Variants in SEL1L3 observed in about 807,000 individuals in gnomAD.
SEL1L3 encodes protein sel-1 homolog 3.
A neutral mutation model predicts 142.8 loss-of-function variants in SEL1L3; 76 were observed. The observed-to-expected ratio is 0.53, with a 90% CI of 0.44 to 0.64. The LOEUF is 0.64. Ranked by LOEUF, SEL1L3 falls within the 30% of genes least tolerant of loss-of-function variation. SEL1L3 has a pLI of 0.00. For synonymous variants in SEL1L3, 504 were observed against 519.6 expected (o/e 0.97, Z 0.41); for missense variants, 1,262 against 1,381.7 (o/e 0.91, Z 1.37).
chr4:25,818,770 C>T (rs1020499527), intron 8 of SEL1L3, among the ~76,000 whole-genome samples: 1 of 152,124 alleles, frequency 6.6e-6, no homozygotes, highest in Non-Finnish European at 1.5e-5. Context: ...ATATATCTTC[C>T]CCCTCCTGTT....
the SEL1L3 span, among the ~76,000 whole-genome samples, chr4:25,714,865 C>T: frequency 6.6e-6 from 1 of 152,008 alleles, no homozygotes; most frequent in Non-Finnish European, 1.5e-5. Context: ...AGCCACCGCG[C>T]CCTGCCAAGA....
intron 1 of SEL1L3, among the ~76,000 whole-genome samples, chr4:25,859,918 G>A (rs531345007): frequency 6.6e-6 from 1 of 152,158 alleles, no homozygotes; most frequent in Non-Finnish European, 1.5e-5. Context: ...CTGGCCAATT[G>A]CACAGTAGCT....
At chr4:25,806,280 G>A (rs1713568558) in intron 9 of SEL1L3, among the ~76,000 whole-genome samples, 1 of 151,298 alleles carries the variant, frequency 6.6e-6, no homozygotes, top group African/African-American at 2.4e-5. Context: ...GTCGTGATCC[G>A]CCCGCCTAGG....
intron 11 of SEL1L3, among the ~76,000 whole-genome samples, chr4:25,797,073 A>G (rs1712814674): frequency 6.6e-6 from 1 of 151,070 alleles, no homozygotes; most frequent in African/African-American, 2.4e-5. Context: ...GGGAGGAGAA[A>G]GAGAAAGGAA....
downstream of SEL1L3, among the ~76,000 whole-genome samples, chr4:25,745,559 AAGGT>A (rs1717235844): frequency 2.0e-5 from 3 of 152,172 alleles, no homozygotes; most frequent in Admixed American, 2.0e-4. Context: ...AGTCATTCTC[AAGGT>A]GAAGGGAGTG....
At position 25,788,177 on chromosome 4, in the gene SEL1L3, G is replaced by A; in HGVS notation, c.2217+47C>T. The A allele has an allele frequency of 1.3e-6, 2 of 1,598,354 alleles. No individual in the cohort carries two copies. The highest frequency in any genetic ancestry group is 1.7e-6 in the Non-Finnish European group (2 of 1,171,278). On this transcript the variant is annotated intron_variant, in intron 13 of 23. Coordinates refer to ENST00000399878, the MANE Select transcript of SEL1L3 (RefSeq NM_015187.5). The surrounding 1 kb of genome is among the most constrained non-coding windows in gnomAD (Gnocchi z 5.3). ...CCCGCCCACAGGAAACTGCTCAGGA[G>A]TCTGATAAGAATTGCACAATTTCAG...
At chr4:25,748,820 C>T (rs1321457862) in intron 23 of SEL1L3, among the ~76,000 whole-genome samples, 1 of 152,132 alleles carries the variant, frequency 6.6e-6, no homozygotes, top group Non-Finnish European at 1.5e-5. Flanking sequence ...AGGGGACATT[C>T]TAGGAAGTTT....
At chr4:25,718,978 A>G in the SEL1L3 span, 1 of 152,184 alleles carries the variant, frequency 6.6e-6, no homozygotes, top group Non-Finnish European at 1.5e-5. Context: ...GGGGTGTGAG[A>G]CCAGCCTGAC....
intron 23 of SEL1L3, among the ~76,000 whole-genome samples, chr4:25,754,401 C>T (rs10023202): frequency 0.29 from 43,527 of 148,970 alleles, 6,909 homozygotes; most frequent in African/African-American, 0.42. Context: ...CAGGCTGGAG[C>T]GTGGTGGTGC....
chr4:25,755,890 A>G lies in SEL1L3; in HGVS notation c.3259+1644T>C, dbSNP rs1717923623. The G allele has an allele frequency of 8.1e-6, 8 of 985,058 alleles. No homozygotes were observed. The South Asian group carries it at 3.3e-4, about 41-fold the overall frequency. The allele number at this position is 985,058 out of a possible 1,614,324, so 61.0% of individuals were successfully genotyped here. The stretch of plus-strand genomic sequence containing the variant: ...ATTTGAAATGGAAAACACTGACAAG[A>G]TGCAAAATAAATGACTATACCTGGC... On this transcript the variant is annotated intron_variant, in intron 23 of 23. Coordinates refer to ENST00000399878, the MANE Select transcript of SEL1L3 (RefSeq NM_015187.5).
intron 23 of SEL1L3, among the ~76,000 whole-genome samples, chr4:25,754,122 G>A (rs879263754): frequency 1.4e-4 from 21 of 151,640 alleles, no homozygotes; most frequent in Admixed American, 7.9e-4. Flanking sequence ...GACCAACACA[G>A]AGAAACCCTG....
At chr4:25,725,213 G>A in the SEL1L3 span, among the ~76,000 whole-genome samples, 1 of 152,042 alleles carries the variant, frequency 6.6e-6, no homozygotes, top group Non-Finnish European at 1.5e-5. Context: ...AATGCAGAGC[G>A]AGTCCACTGA....
At chr4:25,772,989 G>C (rs1027398071) in intron 17 of SEL1L3, among the ~76,000 whole-genome samples, 2 of 152,050 alleles carry the variant, frequency 1.3e-5, no homozygotes, top group Non-Finnish European at 2.9e-5. Flanking sequence ...TCGAGATGGG[G>C]TTTCACCATG....
intron 1 of SEL1L3, among the ~76,000 whole-genome samples, 163 bp from the exon 2 acceptor site, chr4:25,848,027 G>A (rs1716652055): frequency 6.6e-6 from 1 of 152,242 alleles, no homozygotes; most frequent in East Asian, 1.9e-4. Flanking sequence ...CTGAAGAATT[G>A]GGGAAAAACC....
chr4:25,757,794 C>T lies in SEL1L3; in HGVS notation c.3084-4G>A. On this transcript the variant is annotated splice_polypyrimidine_tract_variant and splice_region_variant and intron_variant, in intron 21 of 23. Coordinates refer to ENST00000399878, the MANE Select transcript of SEL1L3 (RefSeq NM_015187.5). ...CTCGTTACTGTGGCTCCAGCACCTG[C>T]AGACAAAGCCCAGGGCATCTTGACG... is the stretch of plus-strand genomic sequence containing the variant. 6.4e-7 allele frequency: 1 copy of T among 1,567,726 alleles called. No homozygotes were observed. The highest frequency in any genetic ancestry group is 8.6e-7 in the Non-Finnish European group (1 of 1,156,754).
At chr4:25,717,129 A>G in the SEL1L3 span, among the ~76,000 whole-genome samples, 906 of 152,202 alleles carry the variant, frequency 6.0e-3, 12 homozygotes, top group African/African-American at 0.021. Context: ...CCTGTCTTGA[A>G]AAACAAACAA....
chr4:25,838,749 G>A (rs1171937771), intron 2 of SEL1L3, among the ~76,000 whole-genome samples: 3 of 152,134 alleles, frequency 2.0e-5, no homozygotes, highest in East Asian at 1.9e-4. Context: ...GGAGTTCACC[G>A]AGGCCCCCAC....
intron 1 of SEL1L3, among the ~76,000 whole-genome samples, chr4:25,859,632 A>C (rs1717555646): frequency 6.6e-6 from 1 of 152,240 alleles, no homozygotes; most frequent in Non-Finnish European, 1.5e-5. Flanking sequence ...AACACAAAAC[A>C]GGAACTGGTC....
Position 25,757,781 on chromosome 4 carries a change from G to T in SEL1L3, c.3093C>A (p.Ser1031Arg). Residue 1031 changes from serine to arginine, a missense_variant, in exon 22 of 24, where the codon AGC becomes AGA. Physicochemically the swap from Ser to Arg is moderately radical, Grantham distance 110 (BLOSUM62 -1). Coordinates refer to ENST00000399878, the MANE Select transcript of SEL1L3 (RefSeq NM_015187.5). ...GGCTGAAGGACTCCTCGTTACTGTG[G>T]CTCCAGCACCTGCAGACAAAGCCCA... ...ILQELYERCW[S>R]HSNEESFSPC... 1 of 1,577,938 alleles carries T rather than the reference G, an allele frequency of 6.3e-7. No individual in the cohort carries two copies. Among genetic ancestry groups the T allele is most frequent in the Non-Finnish European group, 8.6e-7 (1 of 1,162,416 alleles).
Sources: allele counts gnomAD v4.1 joint callset (sites outside exome capture counted in the v4.1 genomes callset), GRCh38; gene constraint gnomAD v4.1.1; non-coding constraint Gnocchi (gnomAD v3.1); transcripts MANE v1.5; gene names NCBI Gene and HGNC (gene_info 2026-07-23, HGNC 2026-07-21).